The following RAD51B variants were observed in gnomAD, a reference collection of about 807,000 sequenced individuals.
RAD51B encodes the protein RAD51 paralog B, also known as DNA repair protein RAD51 homolog 2.
Under a neutral mutation model 42.2 loss-of-function variants are expected in RAD51B, and 38 were observed. The observed-to-expected ratio is 0.90, with a 90% CI of 0.70 to 1.18. RAD51B has a LOEUF of 1.18. Among genes scored for constraint, RAD51B ranks in the 50% most tolerant of loss-of-function variants. RAD51B has a pLI of 0.00. For missense variants in RAD51B, 373 were observed against 400.7 expected, an observed-to-expected ratio of 0.93 and a Z score of 0.59; for synonymous variants, 154 against 145.2, an observed-to-expected ratio of 1.06 and a Z score of -0.43.
intron 6 of RAD51B, among the ~76,000 whole-genome samples, chr14:67,886,252 T>C (rs2043058224): frequency 6.6e-6 from 1 of 152,242 alleles, no homozygotes; most frequent in Admixed American, 6.5e-5. Flanking sequence ...TCTCACAGTT[T>C]AGTAGCTTAA....
intron 11 of RAD51B, among the ~76,000 whole-genome samples, chr14:68,670,211 G>A (rs1893128027): frequency 6.6e-6 from 1 of 152,174 alleles, no homozygotes; most frequent in Admixed American, 6.5e-5. Flanking sequence ...CCGTCCGTGG[G>A]CCCTGCTGTT....
chr14:68,619,873 T>C (rs1405902529), intron 10 of RAD51B, among the ~76,000 whole-genome samples: 2 of 152,196 alleles, frequency 1.3e-5, no homozygotes, highest in Non-Finnish European at 2.9e-5. Flanking sequence ...AAGGGACACT[T>C]AAGTCCCCTT....
chr14:67,992,581 G>C (rs566659593), intron 7 of RAD51B, among the ~76,000 whole-genome samples: 153 of 152,176 alleles, frequency 1.0e-3, no homozygotes, highest in Non-Finnish European at 1.0e-3. Context: ...ACTCTCTGTC[G>C]TTTGGCTAAG....
exon 11 of RAD51B, chr14:68,595,333 A>T (rs1193234012): frequency 9.4e-7 from 1 of 1,066,330 alleles, no homozygotes; most frequent in African/African-American, 1.6e-5. Context: ...TGCCTTGAAG[A>T]AAAGAAGACC....
chr14:68,624,677 G>T (rs2140117880), intron 10 of RAD51B, among the ~76,000 whole-genome samples: 1 of 152,190 alleles, frequency 6.6e-6, no homozygotes, highest in Middle Eastern at 3.4e-3. Flanking sequence ...CGGTGCTGTT[G>T]AAACTCAGCG....
intron 7 of RAD51B, among the ~76,000 whole-genome samples, chr14:67,937,276 C>G (rs561315221): frequency 6.1e-4 from 93 of 152,258 alleles, no homozygotes; most frequent in African/African-American, 2.1e-3. Context: ...ACATGACACA[C>G]CTTCTTCCTG....
At chr14:68,465,940 C>T (rs1445063555) in intron 9 of RAD51B, among the ~76,000 whole-genome samples, 1 of 129,310 alleles carries the variant, frequency 7.7e-6, no homozygotes, top group East Asian at 2.1e-4. Flanking sequence ...GACTCTGTCT[C>T]AAAAAAAAAA....
chr14:67,911,755 G>C (rs544351546), intron 7 of RAD51B, among the ~76,000 whole-genome samples: 1 of 152,174 alleles, frequency 6.6e-6, no homozygotes, highest in South Asian at 2.1e-4. Flanking sequence ...AGCTGTGCTG[G>C]TTAAAAGCCA....
intron 10 of RAD51B, among the ~76,000 whole-genome samples, chr14:68,583,420 C>A (rs1890304368): frequency 6.6e-6 from 1 of 152,224 alleles, no homozygotes; most frequent in Non-Finnish European, 1.5e-5. Flanking sequence ...TGTAGACCAG[C>A]TTTCATATGT....
chr14:68,139,268 G>GTT (rs34284246), intron 7 of RAD51B, among the ~76,000 whole-genome samples: 109 of 143,510 alleles, frequency 7.6e-4, no homozygotes, highest in African/African-American at 2.4e-3. Flanking sequence ...ATTCTAAATG[G>GTT]TTTTTTTTTT....
At chr14:68,274,647 A>G (rs2081185570) in intron 7 of RAD51B, among the ~76,000 whole-genome samples, 1 of 152,172 alleles carries the variant, frequency 6.6e-6, no homozygotes, top group Non-Finnish European at 1.5e-5. Context: ...TAAAATAATA[A>G]ATGTCACAAA....
intron 7 of RAD51B, among the ~76,000 whole-genome samples, chr14:67,996,989 G>C (rs2075396265): frequency 6.6e-6 from 1 of 152,152 alleles, no homozygotes; most frequent in Non-Finnish European, 1.5e-5. Flanking sequence ...ACGTTTGTTT[G>C]TTTGTTTTTT....
At chr14:67,946,039 G>A (rs1566972127) in intron 7 of RAD51B, among the ~76,000 whole-genome samples, 1 of 152,104 alleles carries the variant, frequency 6.6e-6, no homozygotes. Flanking sequence ...TTAGAGGAAG[G>A]GCTGTTTGGG....
chr14:68,551,250 C>T (rs1888550848), intron 10 of RAD51B, among the ~76,000 whole-genome samples: 1 of 152,130 alleles, frequency 6.6e-6, no homozygotes, highest in Admixed American at 6.5e-5. Flanking sequence ...TCCTTGTTTC[C>T]ACTCCCTGTC....
At position 68,550,281 on chromosome 14, in the gene RAD51B, T is replaced by A. The variant is rs1444807475; in HGVS notation, c.1037-44204T>A. On this transcript the variant is annotated intron_variant, in intron 10 of 10. Transcript: ENST00000487270. ...CTTTCCTGGAGGGGTTAATAGTCCT[T>A]AGGTGTAAGTACCCCTCCAGTGGTT... 2.0e-5 allele frequency among the ~76,000 whole-genome samples: 3 copies of A among 152,226 alleles called. No individual in the cohort carries two copies. In the East Asian group the frequency reaches 5.8e-4, roughly 29 times the overall value.
chr14:68,292,071 C>A, intron 8 of RAD51B, 91 bp downstream of exon 8: 1 of 1,205,410 alleles, frequency 8.3e-7, no homozygotes, highest in Non-Finnish European at 1.2e-6. Context: ...GGAGATATGG[C>A]TAATAGGCCC....
chr14:68,553,232 T>C (rs2140387520), intron 10 of RAD51B, among the ~76,000 whole-genome samples: 1 of 152,368 alleles, frequency 6.6e-6, no homozygotes, highest in Admixed American at 6.5e-5. Flanking sequence ...TCCCAGTTTA[T>C]GCTGTGATCA....
At chr14:67,897,611 A>C (rs2043465882) in intron 7 of RAD51B, among the ~76,000 whole-genome samples, 2 of 152,048 alleles carry the variant, frequency 1.3e-5, no homozygotes, top group African/African-American at 2.4e-5. Flanking sequence ...AAAAGATAGT[A>C]GGAGTGGGCA....
intron 7 of RAD51B, among the ~76,000 whole-genome samples, chr14:68,121,909 C>T (rs1274156140): frequency 2.0e-5 from 3 of 151,642 alleles, no homozygotes; most frequent in East Asian, 3.9e-4. Context: ...ATGGGACATC[C>T]AAAAATAAAT....
Sources: gnomAD v4.1 joint callset for allele counts (sites outside exome capture counted in the v4.1 genomes callset) on GRCh38, gnomAD v4.1.1 for gene constraint, MANE v1.5 for transcripts, NCBI Gene and HGNC (gene_info 2026-07-23, HGNC 2026-07-21) for gene names.